Variants in FGD4 observed in about 807,000 individuals in gnomAD.
FGD4 encodes FYVE, RhoGEF and PH domain-containing protein 4.
FGD4 carries 42 observed loss-of-function variants against 102.0 expected under a neutral mutation model. The ratio of observed to expected loss-of-function variants is 0.41; its 90% CI spans 0.32 to 0.53. FGD4 has a LOEUF of 0.53. Ranked by LOEUF, FGD4 falls within the 20% of genes least tolerant of loss-of-function variation. The probability of loss-of-function intolerance (pLI) is 0.21; values close to 1 mark genes in which losing one functional copy is unlikely to be tolerated. For synonymous variants in FGD4, 380 were observed against 375.7 expected (o/e 1.01, Z -0.13); for missense variants, 902 against 1,078.2 (o/e 0.84, Z 2.29).
chr12:32,405,753 C>T (rs1189089446), intron 1 of FGD4, among the ~76,000 whole-genome samples: 1 of 151,978 alleles, frequency 6.6e-6, no homozygotes, highest in Non-Finnish European at 1.5e-5. Flanking sequence ...TGGGGGTCTG[C>T]CTGAGGTCAC....
intron 1 of FGD4, among the ~76,000 whole-genome samples, chr12:32,500,397 A>T (rs775852059): frequency 0.044 from 633 of 14,336 alleles, 4 homozygotes; most frequent in African/African-American, 0.14. Context: ...TTTTATTTTT[A>T]TTTTATTTTA....
intron 8 of FGD4, 103 bp downstream of exon 8, chr12:32,608,198 A>G (rs1479736039): frequency 3.4e-6 from 5 of 1,454,814 alleles, no homozygotes; most frequent in African/African-American, 1.4e-5. Flanking sequence ...CTTTAGTCAA[A>G]TGTTGCTGTT....
In FGD4 at chr12:32,547,855, C is replaced by T. The variant is rs541922564; in HGVS notation, c.167-16282C>T. Among the ~76,000 whole-genome samples the T allele has an allele frequency of 4.5e-4, 68 of 152,156 alleles. 1 individual carries two copies. The highest frequency in any genetic ancestry group is 1.5e-3 in the African/African-American group (62 of 41,516). The stretch of plus-strand genomic sequence containing the variant: ...CTGAGTAGCTCTGATTATAGGTACC[C>T]GCCACCACACCCAGCTAATTTTTAT... On this transcript the variant is annotated intron_variant, in intron 1 of 16. Coordinates refer to ENST00000534526, the MANE Select transcript of FGD4 (RefSeq NM_001370298.3).
At chr12:32,559,792 C>T (rs1013017475) in intron 1 of FGD4, among the ~76,000 whole-genome samples, 15 of 152,164 alleles carry the variant, frequency 9.9e-5, no homozygotes, top group Non-Finnish European at 1.9e-4. Flanking sequence ...TCTAAATAGA[C>T]TGTCAAACAT....
At chr12:32,480,155 GGTTTTTTTT>G (rs763016426) in intron 1 of FGD4, among the ~76,000 whole-genome samples, 1 of 148,508 alleles carries the variant, frequency 6.7e-6, no homozygotes, top group African/African-American at 2.5e-5. Flanking sequence ...TGTTTGTGGG[GGTTTTTTTT>G]GTTTTTTTTG....
intron 10 of FGD4, among the ~76,000 whole-genome samples, chr12:32,619,472 CA>C (rs1042558297): frequency 4.3e-4 from 63 of 148,004 alleles, no homozygotes; most frequent in African/African-American, 1.4e-3. Flanking sequence ...ACTAAAAATA[CA>C]AAAAAAAAAT....
intron 1 of FGD4, among the ~76,000 whole-genome samples, chr12:32,559,303 C>G (rs918940401): frequency 1.3e-5 from 2 of 152,158 alleles, no homozygotes; most frequent in African/African-American, 4.8e-5. Flanking sequence ...AGGCAAACTT[C>G]TTTTACCATG....
At chr12:32,451,736 G>A (rs751970716) in intron 1 of FGD4, among the ~76,000 whole-genome samples, 2 of 140,966 alleles carry the variant, frequency 1.4e-5, no homozygotes, top group African/African-American at 2.7e-5. Flanking sequence ...GCGAAACCCC[G>A]TCTCTACTAA....
chr12:32,472,589 C>T (rs1410895647), intron 1 of FGD4, among the ~76,000 whole-genome samples: 1 of 152,236 alleles, frequency 6.6e-6, no homozygotes, highest in Non-Finnish European at 1.5e-5. Context: ...TCCATGGGCT[C>T]CTGTGTGGCC....
At chr12:32,409,282 CT>C (rs896056174) in intron 1 of FGD4, among the ~76,000 whole-genome samples, 2 of 114,814 alleles carry the variant, frequency 1.7e-5, no homozygotes, top group African/African-American at 8.2e-5. Context: ...AGTAATTTTT[CT>C]TTTTTTTCTT....
intron 8 of FGD4, 151 bp downstream of exon 8, chr12:32,608,246 A>C: frequency 8.9e-7 from 1 of 1,127,982 alleles, no homozygotes; most frequent in Non-Finnish European, 1.3e-6. Context: ...TCATCACTTC[A>C]GTTAGGCAAG....
chr12:32,411,053 C>A (rs1175237069), intron 1 of FGD4, among the ~76,000 whole-genome samples: 1 of 151,082 alleles, frequency 6.6e-6, no homozygotes, highest in Non-Finnish European at 1.5e-5. Context: ...GCCTCAGCCT[C>A]CTGTGTAGCT....
chr12:32,459,865 AT>A (rs905927291), intron 1 of FGD4, among the ~76,000 whole-genome samples: 2 of 150,702 alleles, frequency 1.3e-5, no homozygotes, highest in Admixed American at 6.6e-5. Context: ...CATCTGGCTG[AT>A]TTTTTTTGTT....
chr12:32,476,061 T>A (rs1943577671), intron 1 of FGD4, among the ~76,000 whole-genome samples: 1 of 152,174 alleles, frequency 6.6e-6, no homozygotes, highest in Admixed American at 6.5e-5. Context: ...GGTGCATGAG[T>A]TCATTAGGTA....
intron 3 of FGD4, 136 bp downstream of exon 3, chr12:32,576,585 T>A: frequency 1.0e-6 from 1 of 979,556 alleles, no homozygotes. Flanking sequence ...TCAGAAAGGG[T>A]GAATTTTTAA....
Position 32,463,497 on chromosome 12 carries a change from C to T in FGD4, c.166+63538C>T, listed in dbSNP as rs75268663. Among the ~76,000 whole-genome samples the T allele has an allele frequency of 4.4e-3, 675 of 152,318 alleles. 8 individuals carry two copies. Among genetic ancestry groups the T allele is most frequent in the African/African-American group, 0.016 (648 of 41,580 alleles). ...AAGGTAAATAACGTATTCTTCTTGA[C>T]TTTGAGCTTCAGATATCTAAAATGC... On this transcript the variant is annotated intron_variant, in intron 1 of 16. Transcript: ENST00000534526.
At chr12:32,580,122 C>T (rs545686523) in intron 3 of FGD4, among the ~76,000 whole-genome samples, 1 of 152,302 alleles carries the variant, frequency 6.6e-6, no homozygotes, top group African/African-American at 2.4e-5. Flanking sequence ...TGCTCCAGTA[C>T]ATCATAACTT....
intron 1 of FGD4, among the ~76,000 whole-genome samples, chr12:32,552,028 A>T (rs1943708012): frequency 6.6e-6 from 1 of 152,204 alleles, no homozygotes; most frequent in African/African-American, 2.4e-5. Context: ...GGGACCAAGA[A>T]ATGGGTGTTA....
chr12:32,578,197 G>A (rs191668785), intron 3 of FGD4, among the ~76,000 whole-genome samples: 106 of 152,118 alleles, frequency 7.0e-4, no homozygotes, highest in Non-Finnish European at 1.1e-3. Flanking sequence ...GTTTTGGCAG[G>A]TCTGGTGAAG....
Sources: allele counts gnomAD v4.1 joint callset (sites outside exome capture counted in the v4.1 genomes callset), GRCh38; gene constraint gnomAD v4.1.1; transcripts MANE v1.5; gene names NCBI Gene and HGNC (gene_info 2026-07-23, HGNC 2026-07-21).